USP22: variants seen among roughly 807,000 people sequenced by gnomAD.
USP22 encodes ubiquitin specific peptidase 22, also known as ubiquitin carboxyl-terminal hydrolase 22.
In USP22, 22 loss-of-function variants were observed where a neutral mutation model predicts 68.1. The ratio of observed to expected loss-of-function variants is 0.32; its 90% confidence interval spans 0.23 to 0.46. The LOEUF is 0.46. Ranked by LOEUF, USP22 falls within the 20% of genes least tolerant of loss-of-function variation. The pLI, the probability that USP22 is intolerant of heterozygous loss-of-function variation, is 1.00. For synonymous variants in USP22, 279 were observed against 274.2 expected (o/e 1.02, Z -0.17); for missense variants, 433 against 695.8 (o/e 0.62, Z 4.25).
chr17:21,039,301 G>A (rs1972397371), intron 1 of USP22, among the ~76,000 whole-genome samples: 1 of 151,854 alleles, frequency 6.6e-6, no homozygotes, highest in East Asian at 2.0e-4. Context: ...ATTCGGGCCA[G>A]GCGCGGTGGC....
In USP22 at chr17:21,015,037, G is replaced by A. The variant is rs112263841; in HGVS notation, c.838+715C>T. ...CTGAGAATCACCTCTCAGTCTCTCTGCCTGTATGGATAGACTTCAGCTGCA... is the reference window on the plus strand; with the variant it reads ...CTGAGAATCACCTCTCAGTCTCTCTACCTGTATGGATAGACTTCAGCTGCA... On this transcript the variant is annotated intron_variant, in intron 6 of 12. Coordinates refer to ENST00000261497, the MANE Select transcript of USP22 (RefSeq NM_015276.2). Among the ~76,000 whole-genome samples, 830 of 152,314 alleles carry A rather than the reference G, an allele frequency of 5.4e-3. 3 individuals carry two copies. Among genetic ancestry groups the A allele is most frequent in the Middle Eastern group, 0.02 (6 of 294 alleles).
chr17:21,020,991 C>T (rs926413854), intron 3 of USP22, 122 bp downstream of exon 3: 11 of 724,728 alleles, frequency 1.5e-5, no homozygotes, highest in East Asian at 2.8e-5. Flanking sequence ...AAGGTGGGGA[C>T]GGCCTCTTCC....
intron 3 of USP22, among the ~76,000 whole-genome samples, chr17:21,020,244 C>CAAAAAAAAAAAAACAAAAA (rs1972136555): frequency 2.7e-5 from 2 of 73,252 alleles, no homozygotes; most frequent in African/African-American, 5.2e-5. Context: ...AATCAAAAAC[C>CAAAAAAAAAAAAACAAAAA]AAAAAAAAAA....
At chr17:21,005,090 G>T in intron 10 of USP22, 100 bp from the exon 11 acceptor site, 1 of 1,344,536 alleles carries the variant, frequency 7.4e-7, no homozygotes. Flanking sequence ...TGACCATGCA[G>T]ATGCTGCACC....
intron 8 of USP22, among the ~76,000 whole-genome samples, chr17:21,008,809 G>A (rs765299327): frequency 4.6e-5 from 7 of 152,052 alleles, no homozygotes; most frequent in South Asian, 2.1e-4. Flanking sequence ...GTGAGAGGTC[G>A]GCCAGGTGCG....
intron 3 of USP22, among the ~76,000 whole-genome samples, chr17:21,020,730 A>G (rs979327940): frequency 2.0e-5 from 3 of 152,218 alleles, no homozygotes; most frequent in Non-Finnish European, 4.4e-5. Flanking sequence ...GGATGTCCAG[A>G]TACGGAGTCA....
intron 3 of USP22, 79 bp downstream of exon 3, chr17:21,021,034 T>C (rs1972150671): frequency 8.3e-7 from 1 of 1,198,620 alleles, no homozygotes; most frequent in Admixed American, 1.8e-5. Flanking sequence ...TAGGTACTTC[T>C]CTTTCTCCTA....
In USP22 at chr17:21,042,686, C is replaced by T. The variant is rs1261449031; in HGVS notation, c.150G>A (p.Thr50=). The change falls in exon 1 of 13, where the codon ACG becomes ACA. Residue 50 remains threonine, a synonymous_variant. Transcript: ENST00000261497. ...AIYQCFVWSG[T]AEARKRKAKS... ...GCACCTTGCGCTTGCGGGCCTCAGC[C>T]GTGCCGCTCCACACGAAGCACTGGT... 7.4e-7 allele frequency: 1 copy of T among 1,348,364 alleles called. No individual in the cohort carries two copies. The highest frequency in any genetic ancestry group is 9.6e-7 in the Non-Finnish European group (1 of 1,039,376). 83.5% of individuals were successfully genotyped at this position (1,348,364 alleles called of 1,614,324 possible). A position where few individuals can be genotyped will look rare whatever the true frequency, so the allele number is the denominator to read the frequency against.
chr17:21,039,576 GT>G (rs1972401053), intron 1 of USP22, among the ~76,000 whole-genome samples: 1 of 151,932 alleles, frequency 6.6e-6, no homozygotes, highest in South Asian at 2.1e-4. Context: ...AAAAAACAGA[GT>G]TTTACTGCAA....
rs145023517 is a variant in USP22, at chr17:21,027,738, G to A, written c.304+804C>T. Among the ~76,000 whole-genome samples the A allele has an allele frequency of 7.3e-3, 1,117 of 152,308 alleles. 13 individuals are homozygous for A. Among genetic ancestry groups the A allele is most frequent in the African/African-American group, 0.025 (1,049 of 41,558 alleles). The stretch of plus-strand genomic sequence containing the variant: ...AATCCCTGCACTTTGGGAGGCCAAG[G>A]CAGGAGGATCACATGAGGTCAGGAG... On this transcript the variant is annotated intron_variant, in intron 2 of 12. Transcript: ENST00000261497.
In USP22 at chr17:21,015,804, G is replaced by T. The variant is rs747593114; in HGVS notation, c.786C>A (p.Asp262Glu). ...ARHLAGYEQQ[D>E]AHEFLIAALD... Reference sequence around the variant, plus strand: ...GGGCCGCGATGAGGAACTCGTGGGCGTCCTGCTGCTCGTAGCCTGCTAGGT... The same window carrying T: ...GGGCCGCGATGAGGAACTCGTGGGCTTCCTGCTGCTCGTAGCCTGCTAGGT... Residue 262 changes from aspartate (D) to glutamate (E), a missense_variant, in exon 6 of 13, where the codon GAC (aspartate) becomes GAA (glutamate). Physicochemically the swap from Asp to Glu is conservative, Grantham distance 45. Around this residue, in one of 4 missense-constraint regions of USP22, gnomAD observed 178 missense variants for 351.5 expected, o/e 0.51. Transcript: ENST00000261497. 6.2e-7 allele frequency: 1 copy of T among 1,613,958 alleles called. No homozygotes were observed. The highest frequency in any genetic ancestry group is 8.5e-7 in the Non-Finnish European group (1 of 1,179,996).
chr17:21,025,455 A>G (rs59543297), intron 2 of USP22, among the ~76,000 whole-genome samples: 30,624 of 152,230 alleles, frequency 0.2, 3,853 homozygotes, highest in South Asian at 0.29. Flanking sequence ...GGTGTTTCAC[A>G]TAAGTTAAGC....
chr17:21,017,979 G>C lies in USP22; in HGVS notation c.653C>G (p.Ser218Cys). Residue 218 changes from serine (S) to cysteine (C), a missense_variant, in exon 5 of 13, where the codon TCC becomes TGC. Coordinates refer to ENST00000261497, the MANE Select transcript of USP22 (RefSeq NM_015276.2). The stretch of plus-strand genomic sequence containing the variant: ...TGAGGACATCTCACAGACCAGACAG[G>C]AGCTGGGGCTCTGCATCTCACAGCG... ...RHRCEMQSPSSCLVCEMSSLF... is the reference protein window; with the variant it reads ...RHRCEMQSPSCCLVCEMSSLF... The C allele has an allele frequency of 1.2e-6, 2 of 1,614,144 alleles. No homozygotes were observed. Among genetic ancestry groups the C allele is most frequent in the Non-Finnish European group, 1.7e-6 (2 of 1,180,052 alleles).
chr17:21,031,519 T>C (rs1567592470), intron 1 of USP22, among the ~76,000 whole-genome samples: 1 of 151,332 alleles, frequency 6.6e-6, no homozygotes, highest in African/African-American at 2.4e-5. Context: ...CCTAGGACTA[T>C]GCTACACACT....
At position 21,011,234 on chromosome 17, in the gene USP22, G is replaced by T. The variant is rs118038927; in HGVS notation, c.1020C>A (p.Pro340=). ...DLPGSSTPFW[P]LSPGSEGNVV... ...CGTTGCCCTCGCTCCCTGGGCTCAG[G>T]GGCCAGAATGGGGTGGAAGAGCCGG... Residue 340 remains proline, a synonymous_variant, in exon 8 of 13, where the codon CCC becomes CCA. Coordinates refer to ENST00000261497, the MANE Select transcript of USP22 (RefSeq NM_015276.2). The T allele has an allele frequency of 1.2e-6, 2 of 1,606,602 alleles. No individual in the cohort carries two copies. The highest frequency in any genetic ancestry group is 1.7e-6 in the Non-Finnish European group (2 of 1,176,486).
At chr17:21,014,011 T>A (rs1015635942) in intron 6 of USP22, among the ~76,000 whole-genome samples, 1 of 152,070 alleles carries the variant, frequency 6.6e-6, no homozygotes, top group African/African-American at 2.4e-5. Context: ...GAGGCGGAGG[T>A]TGCAGTGAGC....
intron 1 of USP22, among the ~76,000 whole-genome samples, chr17:21,029,023 C>T (rs1047624012): frequency 6.7e-6 from 1 of 149,702 alleles, no homozygotes; most frequent in Non-Finnish European, 1.5e-5. Flanking sequence ...ACCTAGTCAC[C>T]CTTAACCTGG....
chr17:21,003,493 G>T lies in USP22; in HGVS notation c.1536-420C>A, dbSNP rs1913664287. 1.3e-5 allele frequency among the ~76,000 whole-genome samples: 2 copies of T among 152,354 alleles called. 1 individual carries two copies. Among genetic ancestry groups the T allele is most frequent in the South Asian group, 4.1e-4 (2 of 4,826 alleles). On this transcript the variant is annotated intron_variant, in intron 12 of 12. Coordinates refer to ENST00000261497, the MANE Select transcript of USP22 (RefSeq NM_015276.2). ...TTGGCTTCCGTGTTGCTCAGAATGT[G>T]AAGTGCAAAGCCCTCAGGGAGTTCA...
At position 21,042,570 on chromosome 17, in the gene USP22, G is replaced by A. The variant is rs887156737; in HGVS notation, c.171+95C>T. 2.1e-5 allele frequency: 25 copies of A among 1,190,848 alleles called. No individual in the cohort carries two copies. In the Middle Eastern group the frequency reaches 1.1e-3, roughly 54 times the overall value. 73.8% of individuals were successfully genotyped at this position (1,190,848 alleles called of 1,614,324 possible). A position where few individuals can be genotyped will look rare whatever the true frequency, so the allele number is the denominator to read the frequency against. ...GGAAGGACAGGGAAAGGCAACGGGGGAAGGGAAGAGGGCAGGAAAAGGGCC... is the reference window on the plus strand; with the variant it reads ...GGAAGGACAGGGAAAGGCAACGGGGAAAGGGAAGAGGGCAGGAAAAGGGCC... On this transcript the variant is annotated intron_variant, in intron 1 of 12. Coordinates refer to ENST00000261497, the MANE Select transcript of USP22 (RefSeq NM_015276.2).
Sources: gnomAD v4.1 joint callset for allele counts (sites outside exome capture counted in the v4.1 genomes callset) on GRCh38, gnomAD v4.1.1 for gene constraint, gnomAD v4.1.1 regional missense constraint, MANE v1.5 for transcripts, NCBI Gene and HGNC (gene_info 2026-07-23, HGNC 2026-07-21) for gene names.